Variants in ARHGAP23 observed in about 807,000 individuals in gnomAD.
ARHGAP23 encodes rho GTPase-activating protein 23.
A neutral mutation model predicts 136.3 loss-of-function variants in ARHGAP23; 34 were observed. The ratio of observed to expected loss-of-function variants is 0.25; its 90% CI spans 0.19 to 0.33. The LOEUF (loss-of-function observed/expected upper bound fraction) is 0.33, where lower values mean the gene tolerates loss of function less well. Ranked by LOEUF, ARHGAP23 falls within the 10% of genes least tolerant of loss-of-function variation. The pLI is 1.00. For missense variants in ARHGAP23, 1,808 were observed against 2,139.0 expected, an observed-to-expected ratio of 0.85 and a Z score of 3.05; for synonymous variants, 832 against 920.5, an observed-to-expected ratio of 0.90 and a Z score of 1.74.
intron 23 of ARHGAP23, among the ~76,000 whole-genome samples, chr17:38,507,367 A>G (rs1163868005): frequency 6.6e-6 from 1 of 151,992 alleles, no homozygotes; most frequent in Admixed American, 6.6e-5. Context: ...CTGCACCTGG[A>G]CACCTCTGGT....
chr17:38,449,625 G>A (rs551342670), intron 1 of ARHGAP23, among the ~76,000 whole-genome samples: 2 of 152,270 alleles, frequency 1.3e-5, no homozygotes, highest in African/African-American at 4.8e-5. Flanking sequence ...TGTCAGTATC[G>A]CATTGCCTGC....
intron 23 of ARHGAP23, chr17:38,501,208 G>A (rs1567828507): frequency 2.0e-5 from 3 of 151,690 alleles, no homozygotes; most frequent in African/African-American, 7.3e-5. Context: ...CCTCTAGCCA[G>A]ACTAACAGAA....
chr17:38,466,609 C>T lies in ARHGAP23; in HGVS notation c.926C>T (p.Ala309Val). ...RAGERRCPAM[A>V]PRARSASQDR... is the part of the protein sequence containing the mutation. ...GGGGAGAGACGGTGCCCAGCCATGG[C>T]CCCCCGGGCCCGCAGCGCCTCCCAG... Residue 309 changes from alanine (A) to valine (V), a missense_variant, in exon 7 of 24, where the codon GCC (alanine) becomes GTC (valine). By Grantham distance (64) the Ala-to-Val change is moderately conservative (BLOSUM62 0). This residue lies in a region of ARHGAP23 where 859 missense variants were observed against 936.4 expected (regional missense o/e 0.92). Coordinates refer to ENST00000622683, the MANE Select transcript of ARHGAP23 (RefSeq NM_001199417.2). 3 of 1,511,732 alleles carry T rather than the reference C, an allele frequency of 2.0e-6. No individual in the cohort carries two copies. The highest frequency in any genetic ancestry group is 1.3e-5 in the South Asian group (1 of 79,588). 93.6% of individuals were successfully genotyped at this position (1,511,732 alleles called of 1,614,324 possible).
In ARHGAP23 at chr17:38,510,497, G is replaced by GGAC; in HGVS notation, c.4001_4002insGAC (p.Gly1334_Arg1335insThr). On this transcript the variant is annotated inframe_insertion, in exon 24 of 24. Transcript: ENST00000622683. This position sits in a 1 kb window ranked among gnomAD's most constrained non-coding sequence, Gnocchi z 4.6. ...GGCCGCCCAGACGGCGAGGGCGCGGGCCGGGGCGGTCCCCGCGCCCCGGAG... is the reference window on the plus strand; with the variant it reads ...GGCCGCCCAGACGGCGAGGGCGCGGGGACCCGGGGCGGTCCCCGCGCCCCGGAG... 8.6e-7 allele frequency: 1 copy of GGAC among 1,157,488 alleles called. No homozygotes were observed. The highest frequency in any genetic ancestry group is 4.2e-5 in the South Asian group (1 of 23,736). The allele number at this position is 1,157,488 out of a possible 1,614,324, so 71.7% of individuals were successfully genotyped here.
rs2040070792 is a variant in ARHGAP23 at position 38,482,574 on chromosome 17, C to T, written c.2803C>T (p.Leu935=). ...CTGTCGCATTGTGGAGGCACGAGGGCTGGAGTCCACAGGCATTTACCGAGT... is the reference window on the plus strand; with the variant it reads ...CTGTCGCATTGTGGAGGCACGAGGGTTGGAGTCCACAGGCATTTACCGAGT... The part of the protein sequence containing the change: ...ACCRIVEARG[L]ESTGIYRVPG... The change falls in exon 16 of 24, where the codon CTG becomes TTG. Residue 935 remains leucine (L), a synonymous_variant. Transcript: ENST00000622683. 1 of 1,550,070 alleles carries T rather than the reference C, an allele frequency of 6.5e-7. No individual in the cohort carries two copies. The highest frequency in any genetic ancestry group is 2.0e-5 in the Admixed American group (1 of 50,968).
At chr17:38,492,606 T>G (rs2144760060) in intron 20 of ARHGAP23, among the ~76,000 whole-genome samples, 1 of 152,298 alleles carries the variant, frequency 6.6e-6, no homozygotes, top group South Asian at 2.1e-4. Context: ...TGAGCTGGCT[T>G]GGGACGGAGG....
chr17:38,474,633 C>T (rs191485162), intron 11 of ARHGAP23, among the ~76,000 whole-genome samples: 2 of 152,202 alleles, frequency 1.3e-5, no homozygotes, highest in African/African-American at 4.8e-5. Flanking sequence ...GCTCTGAGGG[C>T]GTGGCACTAG....
At position 38,462,835 on chromosome 17, in the gene ARHGAP23, A is replaced by G; in HGVS notation, c.254-11A>G. ...CAGCCACCCCCAGCTAACCTGGCTG[A>G]TGCCCACTAGGACCCTCCCCCCGGT... On this transcript the variant is annotated splice_polypyrimidine_tract_variant and intron_variant, in intron 3 of 23. Transcript: ENST00000622683. 1.3e-6 allele frequency: 2 copies of G among 1,493,962 alleles called. No homozygotes were observed. Among genetic ancestry groups the G allele is most frequent in the Non-Finnish European group, 1.8e-6 (2 of 1,122,062 alleles). 92.5% of individuals were successfully genotyped at this position (1,493,962 alleles called of 1,614,324 possible).
chr17:38,498,724 G>A (rs891118121), intron 22 of ARHGAP23, among the ~76,000 whole-genome samples: 1 of 152,158 alleles, frequency 6.6e-6, no homozygotes, highest in Admixed American at 6.5e-5. Context: ...CAGCTGCCCC[G>A]CCCCGGGCAG....
At chr17:38,439,739 A>G (rs1440892420) in intron 1 of ARHGAP23, among the ~76,000 whole-genome samples, 1 of 151,846 alleles carries the variant, frequency 6.6e-6, no homozygotes, top group Non-Finnish European at 1.5e-5. Context: ...GGCCTGAGTC[A>G]GGATTCAATC....
At chr17:38,439,941 G>C (rs2038885427) in intron 1 of ARHGAP23, among the ~76,000 whole-genome samples, 2 of 151,646 alleles carry the variant, frequency 1.3e-5, no homozygotes, top group Non-Finnish European at 2.9e-5. Flanking sequence ...TGTTGACCAG[G>C]CTGGTCTAAC....
At position 38,495,782 on chromosome 17, in the gene ARHGAP23, TTAAA is replaced by T. The variant is rs1266106251; in HGVS notation, c.3277-2000_3277-1997del. 4.6e-5 allele frequency among the ~76,000 whole-genome samples: 7 copies of T among 152,320 alleles called. No individual in the cohort carries two copies. In the East Asian group the frequency reaches 1.3e-3, roughly 29 times the overall value. ...ACTTATTGTAAATGCATGGCTACCCTTAAATATATATAATATTCTTTGTGTGTTT... is the reference window on the plus strand; with the variant it reads ...ACTTATTGTAAATGCATGGCTACCCTTATATATAATATTCTTTGTGTGTTT... On this transcript the variant is annotated intron_variant, in intron 20 of 23. Coordinates refer to ENST00000622683, the MANE Select transcript of ARHGAP23 (RefSeq NM_001199417.2).
At chr17:38,437,818 G>A (rs2038833364) in intron 1 of ARHGAP23, among the ~76,000 whole-genome samples, 1 of 151,640 alleles carries the variant, frequency 6.6e-6, no homozygotes, top group South Asian at 2.1e-4. Flanking sequence ...CAGATGTAAT[G>A]GGTGGTGGGT....
chr17:38,510,372 G>A lies in ARHGAP23; in HGVS notation c.3876G>A (p.Ala1292=), dbSNP rs2040730460. The A allele has an allele frequency of 8.0e-6, 10 of 1,247,220 alleles. No homozygotes were observed. Among genetic ancestry groups the A allele is most frequent in the Non-Finnish European group, 9.0e-6 (9 of 996,648 alleles). The allele number at this position is 1,247,220 out of a possible 1,614,324, so 77.3% of individuals were successfully genotyped here. A position where few individuals can be genotyped will look rare whatever the true frequency, so the allele number is the denominator to read the frequency against. ...ACGTGGAGACGGACACTGAGGGCGC[G>A]GCGGGCGCGGGGCCTGGGGGGCGCC... ...LSHVETDTEG[A]AGAGPGGRLT... The change falls in exon 24 of 24, where the codon GCG becomes GCA. Residue 1292 remains alanine, a synonymous_variant. Transcript: ENST00000622683. This position sits in a 1 kb window ranked among gnomAD's most constrained non-coding sequence, Gnocchi z 4.6.
chr17:38,511,051 T>A lies in ARHGAP23; in HGVS notation c.*79T>A, dbSNP rs1198691904. On this transcript the variant is annotated 3_prime_UTR_variant, in exon 24 of 24. Coordinates refer to ENST00000622683, the MANE Select transcript of ARHGAP23 (RefSeq NM_001199417.2). ...CCAGGAGGCTTCACCAGCCTGCACC[T>A]CCTCTTCTGTGGCCCCTGGGTGCAT... 1 of 1,325,410 alleles carries A rather than the reference T, an allele frequency of 7.5e-7. No individual in the cohort carries two copies. The highest frequency in any genetic ancestry group is 9.7e-7 in the Non-Finnish European group (1 of 1,029,572). The allele number at this position is 1,325,410 out of a possible 1,614,324, so 82.1% of individuals were successfully genotyped here. A position where few individuals can be genotyped will look rare whatever the true frequency, so the allele number is the denominator to read the frequency against.
At chr17:38,478,853 C>G (rs1008779037) in intron 12 of ARHGAP23, among the ~76,000 whole-genome samples, 4 of 152,200 alleles carry the variant, frequency 2.6e-5, no homozygotes, top group African/African-American at 9.6e-5. Context: ...ATGTGGGCGT[C>G]CCAGGCCTGG....
chr17:38,479,043 C>G (rs7502904), intron 12 of ARHGAP23, among the ~76,000 whole-genome samples: 8,816 of 152,266 alleles, frequency 0.058, 323 homozygotes, highest in South Asian at 0.17. Context: ...CTGGGGGCCT[C>G]TCTTGGCTGT....
chr17:38,505,757 C>T (rs532597264), intron 23 of ARHGAP23, among the ~76,000 whole-genome samples: 1 of 152,234 alleles, frequency 6.6e-6, no homozygotes, highest in East Asian at 1.9e-4. Flanking sequence ...GGCAAAACCC[C>T]GTCTCTACTA....
At position 38,469,621 on chromosome 17, in the gene ARHGAP23, G is replaced by A. The variant is rs1567803094; in HGVS notation, c.1902G>A (p.Glu634=). The A allele has an allele frequency of 1.3e-6, 2 of 1,548,796 alleles. No homozygotes were observed. The highest frequency in any genetic ancestry group is 2.4e-5 in the East Asian group (1 of 40,910). ...ATGGACTCAACACCTTCCGCGACGAGGGCCGGGTTCTGCGGTGAGGCCCTG... is the reference window on the plus strand; with the variant it reads ...ATGGACTCAACACCTTCCGCGACGAAGGCCGGGTTCTGCGGTGAGGCCCTG... ...CDDGLNTFRD[E]GRVLRRLPNR... is the part of the protein sequence containing the mutation. The change falls in exon 9 of 24, where the codon GAG becomes GAA. Residue 634 remains glutamate (E), a synonymous_variant. Coordinates refer to ENST00000622683, the MANE Select transcript of ARHGAP23 (RefSeq NM_001199417.2).
Sources: allele counts gnomAD v4.1 joint callset (sites outside exome capture counted in the v4.1 genomes callset), GRCh38; gene constraint gnomAD v4.1.1; regional missense constraint gnomAD v4.1.1; non-coding constraint Gnocchi (gnomAD v3.1); transcripts MANE v1.5; gene names NCBI Gene and HGNC (gene_info 2026-07-23, HGNC 2026-07-21).